The following ANKRD36 variants were observed in gnomAD, a reference collection of about 807,000 sequenced individuals.
ANKRD36 encodes ankyrin repeat domain 36.
Under a neutral mutation model 278.1 loss-of-function variants are expected in ANKRD36, and 179 were observed. The ratio of observed to expected loss-of-function variants is 0.64; its 90% CI spans 0.57 to 0.73. ANKRD36 has a LOEUF of 0.73. Ranked by LOEUF, ANKRD36 falls within the 30% of genes least tolerant of loss-of-function variation. The probability of loss-of-function intolerance (pLI) is 0.00; values close to 1 mark genes in which losing one functional copy is unlikely to be tolerated. For synonymous variants in ANKRD36, 320 were observed against 641.1 expected (o/e 0.50, Z 7.57); for missense variants, 1,159 against 1,956.7 (o/e 0.59, Z 7.69).
chr2:97,201,031 T>G (rs144165884), intron 46 of ANKRD36, among the ~76,000 whole-genome samples: 4,323 of 151,738 alleles, frequency 0.028, 165 homozygotes, highest in African/African-American at 0.096. Flanking sequence ...TATAATTTTG[T>G]GGTTACTGCT....
chr2:97,203,701 CAT>C (rs1324418793), intron 48 of ANKRD36, among the ~76,000 whole-genome samples: 1 of 151,810 alleles, frequency 6.6e-6, no homozygotes, highest in Non-Finnish European at 1.5e-5. Flanking sequence ...GTATGAAAGA[CAT>C]GTGGGATCAT....
rs1229706463 is a variant in ANKRD36 at position 97,203,482 on chromosome 2, A to T, written c.2960-586A>T. Among the ~76,000 whole-genome samples, 3 of 152,002 alleles carry T rather than the reference A, an allele frequency of 2.0e-5. No homozygotes were observed. In the East Asian group the frequency reaches 5.8e-4, roughly 30 times the overall value. ...AGAAACTTAGGCAGATTATTACACC[A>T]TATGGGGGTGAGAGATAATGAATAT... On this transcript the variant is annotated intron_variant, in intron 48 of 75. Transcript: ENST00000420699.
At chr2:97,200,130 C>T (rs1300285086) in intron 44 of ANKRD36, among the ~76,000 whole-genome samples, 9 of 151,844 alleles carry the variant, frequency 5.9e-5, no homozygotes, top group Non-Finnish European at 1.0e-4. Flanking sequence ...TGTTTGAAAT[C>T]GTAAGGGTGT....
intron 64 of ANKRD36, among the ~76,000 whole-genome samples, chr2:97,218,574 C>A (rs893910053): frequency 6.6e-6 from 1 of 151,746 alleles, no homozygotes; most frequent in African/African-American, 2.4e-5. Context: ...GTATGTTCAA[C>A]TGAAGTGTCA....
At chr2:97,214,955 G>GC (rs1238380426) in intron 60 of ANKRD36, among the ~76,000 whole-genome samples, 3 of 148,208 alleles carry the variant, frequency 2.0e-5, no homozygotes, top group Non-Finnish European at 4.5e-5. Context: ...TGTACCACCT[G>GC]CTTTGACATT....
At chr2:97,132,045 T>C (rs1047798444) in intron 6 of ANKRD36, among the ~76,000 whole-genome samples, 23 of 152,018 alleles carry the variant, frequency 1.5e-4, no homozygotes, top group Non-Finnish European at 2.4e-4. Context: ...GCCAGGATGG[T>C]CTGCATCTCC....
At chr2:97,141,708 C>G (rs951715852) in intron 6 of ANKRD36, among the ~76,000 whole-genome samples, 2 of 148,374 alleles carry the variant, frequency 1.3e-5, no homozygotes, top group African/African-American at 5.0e-5. Flanking sequence ...CTTTGTTTTT[C>G]AAGGAGCTAA....
chr2:97,203,584 C>G (rs913467350), intron 48 of ANKRD36, among the ~76,000 whole-genome samples: 1 of 151,784 alleles, frequency 6.6e-6, no homozygotes, highest in Non-Finnish European at 1.5e-5. Flanking sequence ...GTGAAGTGTA[C>G]GTTCAACTGA....
chr2:97,208,861 T>C (rs561462590), intron 54 of ANKRD36, among the ~76,000 whole-genome samples: 1 of 147,032 alleles, frequency 6.8e-6, no homozygotes, highest in East Asian at 2.0e-4. Context: ...TGTTGAATTC[T>C]AATTAACTCC....
chr2:97,196,319 C>A (rs2059744801), intron 40 of ANKRD36, among the ~76,000 whole-genome samples: 1 of 88,350 alleles, frequency 1.1e-5, no homozygotes. Context: ...ATCACTCGGC[C>A]TAAGACATTG....
chr2:97,146,497 G>C lies in ANKRD36; in HGVS notation c.1015G>C (p.Val339Leu). The change falls in exon 11 of 76, where the codon GTT becomes CTT. Residue 339 changes from valine (V) to leucine (L), a missense_variant. By Grantham distance (32) the Val-to-Leu change is conservative (BLOSUM62 1). Coordinates refer to ENST00000420699, the MANE Select transcript of ANKRD36 (RefSeq NM_001354587.1). ...EQKSGTVLPA[V>L]EQCLNRSLYR... ...TTTTTGTTTAATAGTGCTTCCTGCT[G>C]TTGAACAGTGTTTAAACAGGTATGA... The C allele has an allele frequency of 6.6e-7, 1 of 1,520,012 alleles. No homozygotes were observed. Among genetic ancestry groups the C allele is most frequent in the Non-Finnish European group, 8.8e-7 (1 of 1,136,926 alleles). 94.2% of individuals were successfully genotyped at this position (1,520,012 alleles called of 1,614,324 possible).
rs2034198601 is a variant in ANKRD36, at chr2:97,113,663, T to C, written c.-77T>C. The C allele has an allele frequency of 1.3e-6, 2 of 1,591,004 alleles. No individual in the cohort carries two copies. Among genetic ancestry groups the C allele is most frequent in the Non-Finnish European group, 1.7e-6 (2 of 1,165,246 alleles). ...GTCCGTGGACAGACTGCTTTGCTCG[T>C]TGTTGCTCTTCGGAGGCGGCGATCC... On this transcript the variant is annotated 5_prime_UTR_variant, in exon 1 of 76. Coordinates refer to ENST00000420699, the MANE Select transcript of ANKRD36 (RefSeq NM_001354587.1).
chr2:97,180,599 C>T (rs62153952), intron 24 of ANKRD36, among the ~76,000 whole-genome samples: 2 of 151,572 alleles, frequency 1.3e-5, no homozygotes, highest in Non-Finnish European at 2.9e-5. Context: ...CTCCTCTTTG[C>T]TACTATTAGG....
chr2:97,165,294 A>G (rs2050328178), intron 20 of ANKRD36, among the ~76,000 whole-genome samples: 3 of 152,036 alleles, frequency 2.0e-5, no homozygotes, highest in African/African-American at 7.2e-5. Flanking sequence ...AGGTTGACAC[A>G]GTTTGGTCAT....
At chr2:97,184,603 T>A (rs1329310259) in intron 28 of ANKRD36, among the ~76,000 whole-genome samples, 1 of 151,742 alleles carries the variant, frequency 6.6e-6, no homozygotes, top group Non-Finnish European at 1.5e-5. Context: ...CCATTGCATT[T>A]TGTATAAATA....
chr2:97,183,852 G>A (rs923806303), intron 28 of ANKRD36, among the ~76,000 whole-genome samples, 198 bp downstream of exon 28: 2 of 151,640 alleles, frequency 1.3e-5, no homozygotes, highest in African/African-American at 4.8e-5. Context: ...AGCTTGTAGA[G>A]TTCCCTACAT....
chr2:97,149,393 CCCT>C lies in ANKRD36; in HGVS notation c.1101+34_1101+36del, dbSNP rs1343297141. The C allele has an allele frequency of 2.7e-6, 4 of 1,459,908 alleles. No homozygotes were observed. In the African/African-American group the frequency reaches 5.7e-5, roughly 21 times the overall value. The allele number at this position is 1,459,908 out of a possible 1,614,324, so 90.4% of individuals were successfully genotyped here. On this transcript the variant is annotated intron_variant, in intron 12 of 75. Coordinates refer to ENST00000420699, the MANE Select transcript of ANKRD36 (RefSeq NM_001354587.1). ...TACTCTCTTGTGAAATTAATTTTCT[CCCT>C]CTGAATCTCATTTTTTATATTATTT... is the stretch of plus-strand genomic sequence containing the variant.
At chr2:97,229,544 A>C (rs1048616377) in intron 67 of ANKRD36, among the ~76,000 whole-genome samples, 5 of 152,168 alleles carry the variant, frequency 3.3e-5, no homozygotes, top group African/African-American at 1.2e-4. Flanking sequence ...TGCACGTGAG[A>C]TGGGTTTCCT....
rs1378916847 is a variant in ANKRD36, at chr2:97,207,742, C to A, written c.3164-69C>A. ...AGGAGGACAGAGGTTGATGCTAACACTGTATGAATGTATGGATAATTTTGT... is the reference window on the plus strand; with the variant it reads ...AGGAGGACAGAGGTTGATGCTAACAATGTATGAATGTATGGATAATTTTGT... On this transcript the variant is annotated intron_variant, in intron 52 of 75. Transcript: ENST00000420699. The A allele has an allele frequency of 2.6e-6, 4 of 1,540,932 alleles. No individual in the cohort carries two copies. The African/African-American group carries it at 5.5e-5, about 21-fold the overall frequency.
Sources: gnomAD v4.1 joint callset for allele counts (sites outside exome capture counted in the v4.1 genomes callset) on GRCh38, gnomAD v4.1.1 for gene constraint, MANE v1.5 for transcripts, NCBI Gene and HGNC (gene_info 2026-07-23, HGNC 2026-07-21) for gene names.